OSBPL2: variants seen among roughly 807,000 people sequenced by gnomAD.
OSBPL2 encodes oxysterol binding protein like 2, also known as oxysterol-binding protein-related protein 2.
A neutral mutation model predicts 58.4 loss-of-function variants in OSBPL2; 18 were observed. That is an observed-to-expected ratio of 0.31 (90% CI 0.21 to 0.46). The LOEUF is 0.46. Among genes scored for constraint, OSBPL2 ranks in the 20% least tolerant of loss-of-function variants. The pLI, the probability that OSBPL2 is intolerant of heterozygous loss-of-function variation, is 1.00. For synonymous variants in OSBPL2, 221 were observed against 234.1 expected (o/e 0.94, Z 0.51); for missense variants, 461 against 616.5 (o/e 0.75, Z 2.67).
chr20:62,280,085 C>T (rs1450799313), intron 7 of OSBPL2: 11 of 1,304,146 alleles, frequency 8.4e-6, no homozygotes, highest in East Asian at 5.5e-5. Context: ...AGACACAGAC[C>T]GGATGCTGGC....
At position 62,293,903 on chromosome 20, in the gene OSBPL2, TG is replaced by T. The variant is rs1258914034; in HGVS notation, c.*20del. The T allele has an allele frequency of 6.2e-7, 1 of 1,611,818 alleles. No homozygotes were observed. Among genetic ancestry groups the T allele is most frequent in the Admixed American group, 1.7e-5 (1 of 59,524 alleles). On this transcript the variant is annotated 3_prime_UTR_variant, in exon 14 of 14. Coordinates refer to ENST00000313733, the MANE Select transcript of OSBPL2 (RefSeq NM_144498.4). ...TATCTACTGAGGGCCTGGAGGGGCC[TG>T]GGGCCCGGGACCGGAGGCTGACGAG...
intron 1 of OSBPL2, among the ~76,000 whole-genome samples, chr20:62,241,363 T>C (rs1301552666): frequency 6.6e-6 from 1 of 152,238 alleles, no homozygotes; most frequent in East Asian, 1.9e-4. Context: ...TGGCTAATTT[T>C]GGGTCTTGGA....
chr20:62,285,409 A>C (rs1031913759), intron 10 of OSBPL2: 1 of 152,208 alleles, frequency 6.6e-6, no homozygotes, highest in African/African-American at 2.4e-5. Context: ...CAGCTAGTGC[A>C]GGAAGCCCTG....
intron 9 of OSBPL2, 97 bp from the exon 10 acceptor site, chr20:62,283,949 A>G: frequency 7.8e-7 from 1 of 1,281,122 alleles, no homozygotes; most frequent in Non-Finnish European, 1.1e-6. Flanking sequence ...TGCATAAGAA[A>G]ACATACCTGA....
intron 1 of OSBPL2, among the ~76,000 whole-genome samples, chr20:62,249,637 C>T (rs970912434): frequency 2.0e-5 from 3 of 152,204 alleles, no homozygotes; most frequent in Middle Eastern, 3.2e-3. Context: ...TGCAGTGGCG[C>T]GATCTCGGCT....
intron 4 of OSBPL2, among the ~76,000 whole-genome samples, chr20:62,266,171 A>G (rs1265422511): frequency 6.6e-6 from 1 of 152,146 alleles, no homozygotes; most frequent in Non-Finnish European, 1.5e-5. Flanking sequence ...CTTTTCAACA[A>G]CATGAAGTGA....
chr20:62,262,716 A>G (rs1276097492), intron 3 of OSBPL2, among the ~76,000 whole-genome samples: 1 of 152,190 alleles, frequency 6.6e-6, no homozygotes, highest in Non-Finnish European at 1.5e-5. Flanking sequence ...AGCAGAGCAG[A>G]CAAGAGCTCG....
At position 62,247,625 on chromosome 20, in the gene OSBPL2, T is replaced by C. The variant is rs571701573; in HGVS notation, c.-128-8432T>C. Among the ~76,000 whole-genome samples, 44 of 151,050 alleles carry C rather than the reference T, an allele frequency of 2.9e-4. 1 individual carries two copies. Among genetic ancestry groups the C allele is most frequent in the African/African-American group, 9.5e-4 (39 of 41,254 alleles). On this transcript the variant is annotated intron_variant, in intron 1 of 13. Transcript: ENST00000313733. ...GCAGGAGGAGGAGCATTCTTTCAAA[T>C]GGAAGTAGTGTTGGATGGGGTCCTT... is the stretch of plus-strand genomic sequence containing the variant.
intron 7 of OSBPL2, chr20:62,280,022 C>T (rs1442467476): frequency 1.5e-6 from 2 of 1,304,178 alleles, no homozygotes; most frequent in Non-Finnish European, 2.0e-6. Flanking sequence ...CAACCAAAGA[C>T]ACCTCAGAGC....
intron 7 of OSBPL2, 99 bp downstream of exon 7, chr20:62,279,438 C>A: frequency 7.9e-7 from 1 of 1,257,964 alleles, no homozygotes; most frequent in Non-Finnish European, 1.1e-6. Context: ...GAAACCCTGT[C>A]ATTTTTCTCC....
intron 1 of OSBPL2, among the ~76,000 whole-genome samples, chr20:62,253,787 A>G (rs1246623164): frequency 1.3e-5 from 2 of 151,276 alleles, no homozygotes; most frequent in East Asian, 3.9e-4. Flanking sequence ...TCGCCCTTTT[A>G]TTTATTTATT....
intron 6 of OSBPL2, among the ~76,000 whole-genome samples, chr20:62,278,020 G>A (rs1469564882): frequency 6.6e-6 from 1 of 152,176 alleles, no homozygotes; most frequent in African/African-American, 2.4e-5. Context: ...TTGAGGGTTT[G>A]GAGTCAGAGG....
intron 9 of OSBPL2, among the ~76,000 whole-genome samples, chr20:62,283,688 G>T (rs1248584437): frequency 2.0e-5 from 3 of 151,842 alleles, no homozygotes; most frequent in African/African-American, 7.3e-5. Context: ...ACTCTTTTTT[G>T]CCCCTTCCCG....
intron 1 of OSBPL2, among the ~76,000 whole-genome samples, chr20:62,251,308 C>T (rs1253732203): frequency 6.6e-6 from 1 of 151,570 alleles, no homozygotes; most frequent in African/African-American, 2.4e-5. Context: ...CCCGCCTTGG[C>T]CTCGCAAAGT....
rs1183363318 is a variant in OSBPL2 at position 62,263,710 on chromosome 20, G to C, written c.258+19G>C. The C allele has an allele frequency of 6.2e-7, 1 of 1,603,728 alleles. No individual in the cohort carries two copies. The highest frequency in any genetic ancestry group is 1.1e-5 in the South Asian group (1 of 90,866). Reference sequence around the variant, plus strand: ...TGGCCTGGTGAGTCCGGGGGCCCGTGTTCACACATGGGGCTGCACCACTGA... The same window carrying C: ...TGGCCTGGTGAGTCCGGGGGCCCGTCTTCACACATGGGGCTGCACCACTGA... On this transcript the variant is annotated intron_variant, in intron 4 of 13. Transcript: ENST00000313733.
intron 1 of OSBPL2, among the ~76,000 whole-genome samples, chr20:62,250,657 A>G (rs1980463558): frequency 1.3e-5 from 2 of 152,100 alleles, no homozygotes. Context: ...GCAGTGGCTC[A>G]CATCTGGAGT....
intron 1 of OSBPL2, among the ~76,000 whole-genome samples, chr20:62,254,558 G>A (rs552944737): frequency 5.9e-5 from 9 of 152,380 alleles, no homozygotes; most frequent in African/African-American, 2.2e-4. Flanking sequence ...GGGACGTGGT[G>A]GCTGTCCTGT....
At chr20:62,245,439 A>G (rs888600526) in intron 1 of OSBPL2, among the ~76,000 whole-genome samples, 1 of 152,164 alleles carries the variant, frequency 6.6e-6, no homozygotes, top group Admixed American at 6.5e-5. Context: ...GTGTGGTGTT[A>G]GGGAGCTGGT....
chr20:62,266,905 T>A lies in OSBPL2; in HGVS notation c.258+3214T>A, dbSNP rs1382107717. Among the ~76,000 whole-genome samples, 4 of 152,252 alleles carry A rather than the reference T, an allele frequency of 2.6e-5. No homozygotes were observed. In the East Asian group the frequency reaches 5.8e-4, roughly 22 times the overall value. ...GTGTTTGCAGTCCTGTGTCTGGACC[T>A]TGTTTGTGTCCCTCTGTCAGGAAGC... On this transcript the variant is annotated intron_variant, in intron 4 of 13. Coordinates refer to ENST00000313733, the MANE Select transcript of OSBPL2 (RefSeq NM_144498.4).
Sources: allele counts gnomAD v4.1 joint callset (sites outside exome capture counted in the v4.1 genomes callset), GRCh38; gene constraint gnomAD v4.1.1; transcripts MANE v1.5; gene names NCBI Gene and HGNC (gene_info 2026-07-23, HGNC 2026-07-21).